Variants in FRMD4B observed in about 807,000 individuals in gnomAD.
The protein encoded by FRMD4B is FERM domain-containing protein 4B.
A neutral mutation model predicts 141.5 loss-of-function variants in FRMD4B; 74 were observed. That is an observed-to-expected ratio of 0.52 (90% CI 0.43 to 0.63). FRMD4B has a LOEUF of 0.63. Ranked by LOEUF, FRMD4B falls within the 30% of genes least tolerant of loss-of-function variation. The pLI is 0.00. For synonymous variants in FRMD4B, 506 were observed against 467.9 expected (o/e 1.08, Z -1.05); for missense variants, 1,366 against 1,253.4 (o/e 1.09, Z -1.36).
intron 1 of FRMD4B, among the ~76,000 whole-genome samples, chr3:69,540,652 TATATATATACACACAC>T (rs1180193063): frequency 4.9e-5 from 4 of 82,044 alleles, no homozygotes; most frequent in Non-Finnish European, 8.3e-5. Context: ...TATATATATA[TATATATATACACACAC>T]ACACACACAC....
At chr3:69,367,313 T>C (rs549950956) in intron 1 of FRMD4B, among the ~76,000 whole-genome samples, 1 of 152,328 alleles carries the variant, frequency 6.6e-6, no homozygotes, top group Non-Finnish European at 1.5e-5. Context: ...AAACTTCTCC[T>C]TCATCCACTT....
Position 69,480,520 on chromosome 3 carries a change from C to T in FRMD4B, c.-128-47759G>A, listed in dbSNP as rs1312608241. ...ATCCGCAGTGGTGGCTGCAGAACAGCGGATTTTCGTGAACCGTGAAAGCTG... is the reference window on the plus strand; with the variant it reads ...ATCCGCAGTGGTGGCTGCAGAACAGTGGATTTTCGTGAACCGTGAAAGCTG... On this transcript the variant is annotated intron_variant, in intron 1 of 5. Coordinates refer to the FRMD4B transcript ENST00000459638. Among the ~76,000 whole-genome samples, 7 of 152,136 alleles carry T rather than the reference C, an allele frequency of 4.6e-5. No individual in the cohort carries two copies. In the South Asian group the frequency reaches 6.2e-4, roughly 13 times the overall value.
At chr3:69,263,394 C>G (rs2093540573) in intron 5 of FRMD4B, among the ~76,000 whole-genome samples, 1 of 122,418 alleles carries the variant, frequency 8.2e-6, no homozygotes, top group Non-Finnish European at 1.6e-5. Flanking sequence ...TAGTTACATG[C>G]ACTTTTTTTT....
chr3:69,484,637 T>A (rs183026359), intron 1 of FRMD4B, among the ~76,000 whole-genome samples: 371 of 152,212 alleles, frequency 2.4e-3, no homozygotes, highest in Admixed American at 5.0e-3. Flanking sequence ...TTTCTACAGC[T>A]GGTGTTCCTG....
At chr3:69,271,091 G>T (rs1158403565) in intron 5 of FRMD4B, among the ~76,000 whole-genome samples, 20 of 152,066 alleles carry the variant, frequency 1.3e-4, no homozygotes, top group Admixed American at 1.3e-3. Context: ...TAGCTGTAAT[G>T]CAATTCTTGT....
chr3:69,342,884 C>T (rs1307410520), intron 1 of FRMD4B, among the ~76,000 whole-genome samples: 1 of 152,062 alleles, frequency 6.6e-6, no homozygotes, highest in Non-Finnish European at 1.5e-5. Context: ...CATCCTTTAA[C>T]AAACACTAGA....
rs138579192 is a variant in FRMD4B at position 69,428,221 on chromosome 3, G to T, written c.-1+4413C>A. Among the ~76,000 whole-genome samples, 727 of 151,454 alleles carry T rather than the reference G, an allele frequency of 4.8e-3. 8 individuals carry two copies. The highest frequency in any genetic ancestry group is 0.017 in the African/African-American group (693 of 41,314). ...GTGCTCTGGAGCTATATAATTTTGG[G>T]GTTTGATGACAACCAGTTCTGCATC... On this transcript the variant is annotated intron_variant, in intron 2 of 5. Transcript: ENST00000459638.
intron 1 of FRMD4B, among the ~76,000 whole-genome samples, chr3:69,345,757 C>G (rs1702915864): frequency 6.6e-6 from 1 of 152,204 alleles, no homozygotes; most frequent in Non-Finnish European, 1.5e-5. Flanking sequence ...TCCAACAGAC[C>G]TGCAGCTGAG....
intron 11 of FRMD4B, among the ~76,000 whole-genome samples, chr3:69,215,278 G>T (rs1411650635): frequency 5.7e-5 from 3 of 52,638 alleles, no homozygotes; most frequent in Non-Finnish European, 1.5e-4. Context: ...GATAGATTGT[G>T]ACCCTCTTTT....
chr3:69,348,440 T>A (rs1228910030), intron 1 of FRMD4B, among the ~76,000 whole-genome samples: 3 of 152,188 alleles, frequency 2.0e-5, no homozygotes. Flanking sequence ...TCTGAAACTA[T>A]TCCAATCAAT....
intron 11 of FRMD4B, among the ~76,000 whole-genome samples, chr3:69,209,120 G>A (rs1461898144): frequency 6.6e-6 from 1 of 151,246 alleles, no homozygotes; most frequent in African/African-American, 2.4e-5. Context: ...CTCCAGCCTG[G>A]GCAACAGAGC....
At chr3:69,392,621 TG>T (rs1346771834) in intron 2 of FRMD4B, among the ~76,000 whole-genome samples, 11 of 151,806 alleles carry the variant, frequency 7.2e-5, no homozygotes, top group Admixed American at 2.0e-4. Context: ...GCTGAAGGAG[TG>T]TTCCTGTTCC....
chr3:69,455,342 G>A (rs1459621739), intron 1 of FRMD4B, among the ~76,000 whole-genome samples: 1 of 152,206 alleles, frequency 6.6e-6, no homozygotes, highest in Non-Finnish European at 1.5e-5. Flanking sequence ...TTTTGCAGTT[G>A]CTTGTTATTT....
chr3:69,447,880 G>A (rs1403332067), intron 1 of FRMD4B, among the ~76,000 whole-genome samples: 1 of 151,998 alleles, frequency 6.6e-6, no homozygotes, highest in Admixed American at 6.6e-5. Flanking sequence ...TTAGTAGTTT[G>A]TTATTTTGTA....
chr3:69,437,496 A>G (rs1298267478), intron 1 of FRMD4B, among the ~76,000 whole-genome samples: 3 of 146,424 alleles, frequency 2.0e-5, no homozygotes, highest in Non-Finnish European at 3.0e-5. Context: ...AGTATTATAC[A>G]TAACATACAC....
intron 1 of FRMD4B, among the ~76,000 whole-genome samples, chr3:69,486,147 G>T (rs183371453): frequency 1.3e-5 from 2 of 152,226 alleles, no homozygotes; most frequent in African/African-American, 4.8e-5. Context: ...TCCCAAGTTG[G>T]CTGGAAGTCT....
chr3:69,509,820 T>C (rs909645440), intron 1 of FRMD4B, among the ~76,000 whole-genome samples: 2 of 151,898 alleles, frequency 1.3e-5, no homozygotes, highest in African/African-American at 4.8e-5. Flanking sequence ...TGTCACTGGG[T>C]CACATTTTAG....
chr3:69,525,125 T>A (rs1277251360), intron 1 of FRMD4B, among the ~76,000 whole-genome samples: 1 of 152,174 alleles, frequency 6.6e-6, no homozygotes, highest in East Asian at 1.9e-4. Context: ...AAAGTGACCA[T>A]GAGAGCTGAA....
At chr3:69,401,051 GA>G (rs1190009738) in intron 2 of FRMD4B, among the ~76,000 whole-genome samples, 1 of 152,110 alleles carries the variant, frequency 6.6e-6, no homozygotes, top group African/African-American at 2.4e-5. Context: ...TGGTTTTAGA[GA>G]AGATAAATAA....
Sources: gnomAD v4.1 joint callset for allele counts (sites outside exome capture counted in the v4.1 genomes callset) on GRCh38, gnomAD v4.1.1 for gene constraint, MANE v1.5 for transcripts, NCBI Gene and HGNC (gene_info 2026-07-23, HGNC 2026-07-21) for gene names.